The following NOSTRIN variants were observed in gnomAD, a reference collection of about 807,000 sequenced individuals.
The protein encoded by NOSTRIN is nitric oxide synthase trafficking, also known as BM247 homolog.
In NOSTRIN, 63 loss-of-function variants were observed where a neutral mutation model predicts 59.0. The ratio of observed to expected loss-of-function variants is 1.07; its 90% confidence interval spans 0.87 to 1.32. The LOEUF (loss-of-function observed/expected upper bound fraction) is 1.32. Ranked by LOEUF, NOSTRIN falls within the 40% of genes most tolerant of loss-of-function variation. The pLI is 0.00. For missense variants in NOSTRIN, 512 were observed against 473.1 expected (o/e 1.08, Z -0.76); for synonymous variants, 200 against 165.4 (o/e 1.21, Z -1.61).
chr2:168,803,142 C>A, intron 1 of NOSTRIN, among the ~76,000 whole-genome samples: 1 of 152,170 alleles, frequency 6.6e-6, no homozygotes, highest in South Asian at 2.1e-4. Context: ...GAAGGATAGA[C>A]TCCCCACTCT....
intron 13 of NOSTRIN, among the ~76,000 whole-genome samples, chr2:168,860,067 T>G (rs551946878): frequency 6.6e-6 from 1 of 152,326 alleles, no homozygotes; most frequent in Non-Finnish European, 1.5e-5. Flanking sequence ...TTGTAGCTAT[T>G]TTTATTACTG....
In NOSTRIN at chr2:168,828,463, T is replaced by C; in HGVS notation, c.304T>C (p.Tyr102His). 1.1e-6 allele frequency: 1 copy of C among 872,226 alleles called. No individual in the cohort carries two copies. Among genetic ancestry groups the C allele is most frequent in the Non-Finnish European group, 2.0e-6 (1 of 501,518 alleles). 54.0% of individuals were successfully genotyped at this position (872,226 alleles called of 1,614,324 possible). A position where few individuals can be genotyped will look rare whatever the true frequency, so the allele number is the denominator to read the frequency against. Reference sequence around the variant, plus strand: ...TGAATTGGAAGCAATAAAACCGACTTATCAAGTCCTAAATGTACAAGAGAA... The same window carrying C: ...TGAATTGGAAGCAATAAAACCGACTCATCAAGTCCTAAATGTACAAGAGAA... ...AIELEAIKPT[Y>H]QVLNVQEKKR... Residue 102 changes from tyrosine (Y) to histidine (H), a missense_variant, in exon 5 of 16, where the codon TAT becomes CAT. Coordinates refer to ENST00000317647, the MANE Select transcript of NOSTRIN (RefSeq NM_001039724.4).
intron 8 of NOSTRIN, chr2:168,850,752 A>AAATTCCCTGG (rs1326121449): frequency 5.6e-6 from 4 of 710,636 alleles, no homozygotes; most frequent in Non-Finnish European, 9.5e-6. Flanking sequence ...ATCTCTACTG[A>AAATTCCCTGG]AATTCTCTGG....
intron 1 of NOSTRIN, among the ~76,000 whole-genome samples, chr2:168,805,258 T>A (rs1457775167): frequency 6.6e-6 from 1 of 152,194 alleles, no homozygotes; most frequent in East Asian, 1.9e-4. Flanking sequence ...GTTGCCAGGG[T>A]GGCATAAGAT....
chr2:168,863,339 A>AAAGAT, intron 15 of NOSTRIN: 2 of 902,368 alleles, frequency 2.2e-6, no homozygotes, highest in Non-Finnish European at 2.7e-6. Context: ...AAAATGTAGA[A>AAAGAT]AAGATAGAAA....
At chr2:168,824,465 A>C (rs551862210) in intron 2 of NOSTRIN, among the ~76,000 whole-genome samples, 169 bp from the exon 3 acceptor site, 34 of 152,014 alleles carry the variant, frequency 2.2e-4, no homozygotes, top group Non-Finnish European at 4.9e-4. Context: ...CGCCTGGCTA[A>C]TTTTTGTATT....
chr2:168,793,621 A>G (rs1192547780), upstream of NOSTRIN, among the ~76,000 whole-genome samples: 1 of 152,180 alleles, frequency 6.6e-6, no homozygotes, highest in East Asian at 1.9e-4. Context: ...AAAAAAGAAA[A>G]CAAAACAAAA....
chr2:168,811,677 A>G (rs925515991), intron 2 of NOSTRIN, 25 bp downstream of exon 2: 2 of 820,468 alleles, frequency 2.4e-6, no homozygotes, highest in Admixed American at 2.0e-5. Flanking sequence ...TTTGCAATAA[A>G]TGGTTCTTCC....
intron 3 of NOSTRIN, among the ~76,000 whole-genome samples, chr2:168,825,791 C>T (rs747093002): frequency 3.9e-5 from 6 of 152,066 alleles, no homozygotes; most frequent in Non-Finnish European, 8.8e-5. Flanking sequence ...GTAGAGGTCT[C>T]TTTTGATGAT....
chr2:168,854,497 T>C (rs1423567736), intron 10 of NOSTRIN, among the ~76,000 whole-genome samples: 1 of 152,344 alleles, frequency 6.6e-6, no homozygotes, highest in Non-Finnish European at 1.5e-5. Context: ...AAATAATGCA[T>C]GTGAAAGCTC....
chr2:168,790,411 T>A (rs1685318112), intron 2 of NOSTRIN, among the ~76,000 whole-genome samples: 1 of 152,188 alleles, frequency 6.6e-6, no homozygotes, highest in African/African-American at 2.4e-5. Context: ...CGAAGCAGCC[T>A]GGCAGACACC....
upstream of NOSTRIN, among the ~76,000 whole-genome samples, chr2:168,796,443 C>T (rs533418688): frequency 4.3e-4 from 66 of 152,322 alleles, no homozygotes; most frequent in Non-Finnish European, 8.4e-4. Flanking sequence ...TCAATACCAG[C>T]GGGCCAGCTG....
chr2:168,842,301 T>C (rs868689094), intron 7 of NOSTRIN, among the ~76,000 whole-genome samples: 1 of 152,048 alleles, frequency 6.6e-6, no homozygotes, highest in Non-Finnish European at 1.5e-5. Context: ...GAGGCCTTGA[T>C]TTTGTGGTAT....
intron 8 of NOSTRIN, among the ~76,000 whole-genome samples, chr2:168,844,138 A>T (rs1688262797): frequency 6.6e-6 from 1 of 152,224 alleles, no homozygotes; most frequent in Non-Finnish European, 1.5e-5. Flanking sequence ...ACTCATGCGC[A>T]AACTATACTG....
chr2:168,853,851 T>C (rs1323028896), intron 10 of NOSTRIN, among the ~76,000 whole-genome samples: 1 of 152,016 alleles, frequency 6.6e-6, no homozygotes, highest in African/African-American at 2.4e-5. Flanking sequence ...AGGAGTTGCA[T>C]GTAATAAATA....
intron 2 of NOSTRIN, among the ~76,000 whole-genome samples, chr2:168,792,922 T>A (rs1685393123): frequency 6.6e-6 from 1 of 152,202 alleles, no homozygotes; most frequent in African/African-American, 2.4e-5. Context: ...AAACTGAAAC[T>A]CAAAGGGGCT....
intron 7 of NOSTRIN, 91 bp downstream of exon 7, chr2:168,834,416 C>T: frequency 1.4e-6 from 1 of 707,010 alleles, no homozygotes; most frequent in South Asian, 1.6e-5. Flanking sequence ...GGGTTGATTC[C>T]TCCTTCTCTG....
chr2:168,809,445 C>T (rs912074021), intron 1 of NOSTRIN, among the ~76,000 whole-genome samples: 1 of 152,050 alleles, frequency 6.6e-6, no homozygotes, highest in Non-Finnish European at 1.5e-5. Flanking sequence ...GAGTATGTAC[C>T]CCACTAAACA....
chr2:168,823,858 C>G (rs1031081638), intron 2 of NOSTRIN, among the ~76,000 whole-genome samples: 1 of 152,180 alleles, frequency 6.6e-6, no homozygotes, highest in African/African-American at 2.4e-5. Flanking sequence ...GGGTGGGTCA[C>G]CTGAGGTCAG....
Sources: allele counts gnomAD v4.1 joint callset (sites outside exome capture counted in the v4.1 genomes callset), GRCh38; gene constraint gnomAD v4.1.1; transcripts MANE v1.5; gene names NCBI Gene and HGNC (gene_info 2026-07-23, HGNC 2026-07-21).